Variants in NEK5 observed in about 807,000 individuals in gnomAD.
NEK5 encodes the protein serine/threonine-protein kinase Nek5.
Under a neutral mutation model 109.2 loss-of-function variants are expected in NEK5, and 88 were observed. That is an observed-to-expected ratio of 0.81 (90% CI 0.68 to 0.96). NEK5 has a LOEUF of 0.96. NEK5 is among the 40% of genes least tolerant of loss of function. The pLI is 0.00. For synonymous variants in NEK5, 283 were observed against 299.9 expected (o/e 0.94, Z 0.58); for missense variants, 834 against 920.7 (o/e 0.91, Z 1.22).
At chr13:52,098,261 CAAATAAATAAATAAATAAATAAATAAAT>C (rs34554364) in intron 12 of NEK5, among the ~76,000 whole-genome samples, 1 of 146,918 alleles carries the variant, frequency 6.8e-6, no homozygotes, top group Admixed American at 6.9e-5. Context: ...GACCCTCTTT[CAAATAAATAAATAAATAAATAAATAAAT>C]AAATAAATAA....
At chr13:52,061,613 A>G (rs1248685140) in intron 22 of NEK5, among the ~76,000 whole-genome samples, 2 of 152,206 alleles carry the variant, frequency 1.3e-5, no homozygotes, top group Non-Finnish European at 2.9e-5. Flanking sequence ...CATTAAAGAA[A>G]ATTACACCAC....
At chr13:52,102,675 A>T (rs2138013176) in intron 9 of NEK5, among the ~76,000 whole-genome samples, 1 of 152,360 alleles carries the variant, frequency 6.6e-6, no homozygotes, top group Non-Finnish European at 1.5e-5. Flanking sequence ...CCTGGGTGAC[A>T]GAGTGAGACC....
intron 22 of NEK5, among the ~76,000 whole-genome samples, chr13:52,058,285 G>A (rs1385373865): frequency 1.4e-5 from 2 of 144,824 alleles, no homozygotes; most frequent in African/African-American, 5.1e-5. Flanking sequence ...ACAAACCACT[G>A]CTCAAGGAAA....
chr13:52,058,834 T>C (rs1954585654), intron 22 of NEK5, among the ~76,000 whole-genome samples: 1 of 152,138 alleles, frequency 6.6e-6, no homozygotes, highest in Admixed American at 6.5e-5. Flanking sequence ...ACGTTAGACC[T>C]AAAACCATAA....
chr13:52,089,815 G>A (rs987482977), intron 13 of NEK5, among the ~76,000 whole-genome samples: 5 of 151,858 alleles, frequency 3.3e-5, no homozygotes, highest in East Asian at 1.9e-4. Flanking sequence ...GTGAAACCCC[G>A]TCTCTGCTAA....
chr13:52,077,371 G>A (rs1242069612), intron 17 of NEK5, among the ~76,000 whole-genome samples: 1 of 152,176 alleles, frequency 6.6e-6, no homozygotes, highest in Non-Finnish European at 1.5e-5. Flanking sequence ...ATCCAGCAAT[G>A]AAAGACAGTA....
At chr13:52,101,127 G>A (rs1039317032) in intron 11 of NEK5, among the ~76,000 whole-genome samples, 4 of 152,158 alleles carry the variant, frequency 2.6e-5, no homozygotes, top group East Asian at 1.9e-4. Context: ...GGCCTGGCGC[G>A]GTGGCTCACG....
At chr13:52,105,385 T>A (rs1010977017) in intron 8 of NEK5, among the ~76,000 whole-genome samples, 5 of 151,956 alleles carry the variant, frequency 3.3e-5, no homozygotes, top group Admixed American at 1.3e-4. Context: ...GGATTTTTTT[T>A]AATAATTTTT....
At chr13:52,108,452 T>G (rs1327693985) in intron 7 of NEK5, 48 bp from the exon 8 acceptor site, 1 of 1,226,186 alleles carries the variant, frequency 8.2e-7, no homozygotes, top group Non-Finnish European at 1.2e-6. Flanking sequence ...TTTATTGGAG[T>G]AAGAAAAGTC....
At chr13:52,060,098 T>C (rs1316151605) in intron 22 of NEK5, among the ~76,000 whole-genome samples, 1 of 152,148 alleles carries the variant, frequency 6.6e-6, no homozygotes, top group African/African-American at 2.4e-5. Context: ...GTATTCATTA[T>C]CTAGATCATC....
chr13:52,098,072 C>T (rs140000672), intron 12 of NEK5, among the ~76,000 whole-genome samples: 278 of 152,142 alleles, frequency 1.8e-3, no homozygotes, highest in African/African-American at 6.4e-3. Flanking sequence ...AAGTTTCCTG[C>T]GGCCTCCCCA....
intron 22 of NEK5, among the ~76,000 whole-genome samples, chr13:52,054,600 C>T (rs1192647869): frequency 1.3e-5 from 2 of 152,260 alleles, no homozygotes; most frequent in Non-Finnish European, 2.9e-5. Flanking sequence ...AGCTGGAGAT[C>T]TGAGAACAGG....
intron 5 of NEK5, among the ~76,000 whole-genome samples, chr13:52,112,024 T>C (rs1395067651): frequency 6.6e-6 from 1 of 152,166 alleles, no homozygotes; most frequent in East Asian, 1.9e-4. Context: ...ACATGAGATT[T>C]TCCAAACAGA....
rs536068854 is a variant in NEK5 at position 52,119,306 on chromosome 13, T to C, written c.214+13A>G. ...CTTTATAAAAATACTTAACGAATAT[T>C]AGAAAATCAAACCTTGAAATGAATT... On this transcript the variant is annotated intron_variant, in intron 4 of 23. Coordinates refer to ENST00000684899, the MANE Select transcript of NEK5 (RefSeq NM_001365552.1). 4.1e-6 allele frequency: 6 copies of C among 1,463,242 alleles called. No homozygotes were observed. In the South Asian group the frequency reaches 5.9e-5, roughly 14 times the overall value. 90.6% of individuals were successfully genotyped at this position (1,463,242 alleles called of 1,614,324 possible).
chr13:52,092,221 CTTTA>C (rs145867443), intron 13 of NEK5, among the ~76,000 whole-genome samples: 15,270 of 152,072 alleles, frequency 0.1, 736 homozygotes, highest in Non-Finnish European at 0.12. Flanking sequence ...ACATTTATTG[CTTTA>C]TTTAATTACA....
chr13:52,070,642 T>A (rs1028271104), intron 20 of NEK5, among the ~76,000 whole-genome samples: 3 of 152,250 alleles, frequency 2.0e-5, no homozygotes, highest in Non-Finnish European at 4.4e-5. Context: ...CCCAGCCATG[T>A]GGAACTGTAA....
chr13:52,063,104 G>C (rs553726040), intron 21 of NEK5, among the ~76,000 whole-genome samples: 1 of 151,272 alleles, frequency 6.6e-6, no homozygotes, highest in Non-Finnish European at 1.5e-5. Flanking sequence ...CTCTTTCCAC[G>C]GTCTCCCTCT....
At chr13:52,083,430 A>G (rs970682364) in intron 16 of NEK5, 78 bp from the exon 17 acceptor site, 38 of 828,916 alleles carry the variant, frequency 4.6e-5, no homozygotes, top group Non-Finnish European at 5.4e-5. Flanking sequence ...TGCGCGATCA[A>G]TGATGAAATG....
intron 23 of NEK5, among the ~76,000 whole-genome samples, chr13:52,043,223 C>G (rs1954428797): frequency 6.6e-6 from 1 of 151,668 alleles, no homozygotes; most frequent in South Asian, 2.1e-4. Flanking sequence ...TTTTAAAGGA[C>G]ACTTTAAAAA....
Sources: gnomAD v4.1 joint callset for allele counts (sites outside exome capture counted in the v4.1 genomes callset) on GRCh38, gnomAD v4.1.1 for gene constraint, MANE v1.5 for transcripts, NCBI Gene and HGNC (gene_info 2026-07-23, HGNC 2026-07-21) for gene names.